Variants in GOLGA8A observed in about 807,000 individuals in gnomAD.
The protein encoded by GOLGA8A is golgin subfamily A member 8A.
In GOLGA8A, 3 loss-of-function variants were observed where a neutral mutation model predicts 22.1. That is an observed-to-expected ratio of 0.14 (90% CI 0.06 to 0.35). The LOEUF (loss-of-function observed/expected upper bound fraction) is 0.35. Among genes scored for constraint, GOLGA8A ranks in the 10% least tolerant of loss-of-function variants. GOLGA8A has a pLI of 1.00. For missense variants in GOLGA8A, 16 were observed against 233.2 expected (o/e 0.07, Z 6.07); for synonymous variants, 7 against 91.7 (o/e 0.08, Z 5.28).
rs1259402451 is a variant in GOLGA8A at position 34,418,309 on chromosome 15, G to C, written c.-1122-10574C>G. On this transcript the variant is annotated intron_variant, in intron 2 of 24. Transcript: ENST00000359187. ...CAAAGACATTGAGTCTAGGCCAGTT[G>C]TCAGTCCTGGGTATAATTTTAGATG... 8 of 138,902 alleles carry C rather than the reference G, an allele frequency of 5.8e-5. 2 individuals carry two copies. The highest frequency in any genetic ancestry group is 1.2e-4 in the Non-Finnish European group (8 of 64,326). 8.6% of individuals were successfully genotyped at this position (138,902 alleles called of 1,614,324 possible).
At position 34,435,402 on chromosome 15, in the gene GOLGA8A, T is replaced by C. The variant is rs1433135329; in HGVS notation, c.-1142A>G. 1 of 149,740 alleles carries C rather than the reference T, an allele frequency of 6.7e-6. No homozygotes were observed. Among genetic ancestry groups the C allele is most frequent in the African/African-American group, 2.5e-5 (1 of 40,582 alleles). The allele number at this position is 149,740 out of a possible 1,614,324, so 9.3% of individuals were successfully genotyped here. On this transcript the variant is annotated 5_prime_UTR_variant, in exon 2 of 25. An upstream start codon of the reference 5' UTR is lost. Coordinates refer to ENST00000359187, the MANE Select transcript of GOLGA8A (RefSeq NM_181077.5). ...AATTACCTTTTACTTTTATCCAGCA[T>C]TTCTTAGCTCGGTTGGCAAACTGGA...
At chr15:34,432,843 T>C (rs1893318219) in intron 2 of GOLGA8A, among the ~76,000 whole-genome samples, 1 of 149,082 alleles carries the variant, frequency 6.7e-6, no homozygotes, top group African/African-American at 2.5e-5. Context: ...CACTAGGCCG[T>C]AGCTGTAACT....
chr15:34,429,531 G>A (rs76257626), intron 2 of GOLGA8A, among the ~76,000 whole-genome samples: 2 of 148,554 alleles, frequency 1.3e-5, no homozygotes, highest in African/African-American at 5.0e-5. Flanking sequence ...CCAACCTACC[G>A]TGGGGCTCTC....
rs1437913700 is a variant in GOLGA8A at position 34,379,422 on chromosome 15, G to A, written c.*1989C>T. 2.0e-5 allele frequency: 3 copies of A among 152,496 alleles called. No individual in the cohort carries two copies. Among genetic ancestry groups the A allele is most frequent in the Non-Finnish European group, 4.4e-5 (3 of 68,036 alleles). The allele number at this position is 152,496 out of a possible 1,614,324, so 9.4% of individuals were successfully genotyped here. ...CCCATGGGCTAGAAATCATACGACT[G>A]TTAATTAGCCGCATTATTTGGTCTA... On this transcript the variant is annotated 3_prime_UTR_variant, in exon 25 of 25. Coordinates refer to ENST00000359187, the MANE Select transcript of GOLGA8A (RefSeq NM_181077.5).
At position 34,431,331 on chromosome 15, in the gene GOLGA8A, A is replaced by ATC. The variant is rs1435309982; in HGVS notation, c.-1123+4051_-1123+4052insGA. 9.8e-3 allele frequency among the ~76,000 whole-genome samples: 516 copies of ATC among 52,744 alleles called. 5 individuals carry two copies. The highest frequency in any genetic ancestry group is 0.016 in the Non-Finnish European group (386 of 24,756). The allele number at this position is 52,744 out of a possible 152,430, so 34.6% of individuals were successfully genotyped here. On this transcript the variant is annotated intron_variant, in intron 2 of 24. Coordinates refer to ENST00000359187, the MANE Select transcript of GOLGA8A (RefSeq NM_181077.5). ...TATATACATATATATATATATATAT[A>ATC]TATATATATATATATCTCACACACA...
rs1445485924 is a variant in GOLGA8A at position 34,379,901 on chromosome 15, T to C, written c.*1510A>G. 4 of 152,628 alleles carry C rather than the reference T, an allele frequency of 2.6e-5. No individual in the cohort carries two copies. In the East Asian group the frequency reaches 7.7e-4, roughly 29 times the overall value. 9.5% of individuals were successfully genotyped at this position (152,628 alleles called of 1,614,324 possible). A position where few individuals can be genotyped will look rare whatever the true frequency, so the allele number is the denominator to read the frequency against. On this transcript the variant is annotated 3_prime_UTR_variant, in exon 25 of 25. Coordinates refer to ENST00000359187, the MANE Select transcript of GOLGA8A (RefSeq NM_181077.5). ...CACAAAGTATGTCCCTGACTGAAAA[T>C]GAGAGGTACAAAAACGTATTTCACT...
Position 34,380,142 on chromosome 15 carries a change from T to A in GOLGA8A, c.*1269A>T, listed in dbSNP as rs993214067. 3.9e-5 allele frequency: 6 copies of A among 152,350 alleles called. No homozygotes were observed. Among genetic ancestry groups the A allele is most frequent in the African/African-American group, 1.4e-4 (6 of 41,476 alleles). The allele number at this position is 152,350 out of a possible 1,614,324, so 9.4% of individuals were successfully genotyped here. ...TCTCACATATATTAGTTTATAATAA[T>A]GTTTGTTATTACTTTCTAAAGTGTT... On this transcript the variant is annotated 3_prime_UTR_variant, in exon 25 of 25. Coordinates refer to ENST00000359187, the MANE Select transcript of GOLGA8A (RefSeq NM_181077.5).
rs1360273383 is a variant in GOLGA8A, at chr15:34,430,229, T to C, written c.-1123+5154A>G. On this transcript the variant is annotated intron_variant, in intron 2 of 24. Coordinates refer to ENST00000359187, the MANE Select transcript of GOLGA8A (RefSeq NM_181077.5). ...CAGGAGTTCTTGGTCTGGAGGGGCT[T>C]CTGCTCTCAAAGCTTCCAACCCAAC... Among the ~76,000 whole-genome samples the C allele has an allele frequency of 2.7e-5, 4 of 149,020 alleles. 1 individual carries two copies. Among genetic ancestry groups the C allele is most frequent in the Non-Finnish European group, 6.0e-5 (4 of 67,170 alleles).
At chr15:34,431,738 T>C (rs1893261631) in intron 2 of GOLGA8A, among the ~76,000 whole-genome samples, 2 of 148,932 alleles carry the variant, frequency 1.3e-5, no homozygotes, top group South Asian at 2.2e-4. Flanking sequence ...GTGCAGACTT[T>C]ATAGACATTG....
intron 2 of GOLGA8A, among the ~76,000 whole-genome samples, chr15:34,430,747 T>A (rs920658634): frequency 6.7e-6 from 1 of 149,668 alleles, no homozygotes; most frequent in Non-Finnish European, 1.5e-5. Context: ...ATCTCCTCCA[T>A]CCATAGTAAC....
intron 2 of GOLGA8A, among the ~76,000 whole-genome samples, chr15:34,433,916 G>C (rs573448598): frequency 6.7e-6 from 1 of 149,624 alleles, no homozygotes; most frequent in Admixed American, 6.7e-5. Flanking sequence ...GGCTGTCAGG[G>C]AGCCGGCAAT....
chr15:34,431,952 T>C (rs78935147), intron 2 of GOLGA8A, among the ~76,000 whole-genome samples: 3 of 148,848 alleles, frequency 2.0e-5, no homozygotes, highest in African/African-American at 5.0e-5. Flanking sequence ...TGACAGTACA[T>C]ATGTATCTCA....
At position 34,436,045 on chromosome 15, in the gene GOLGA8A, G is replaced by A. The variant is rs999755469; in HGVS notation, c.-1211-574C>T. On this transcript the variant is annotated intron_variant, in intron 1 of 24. Transcript: ENST00000359187. ...CCCAGGAATCAGCGCAGAGTGCAGGGCATCCTGGACTCCCCGGACTGGGAA... is the reference window on the plus strand; with the variant it reads ...CCCAGGAATCAGCGCAGAGTGCAGGACATCCTGGACTCCCCGGACTGGGAA... 3.4e-5 allele frequency among the ~76,000 whole-genome samples: 5 copies of A among 148,774 alleles called. 1 individual carries two copies. Among genetic ancestry groups the A allele is most frequent in the Non-Finnish European group, 7.5e-5 (5 of 66,988 alleles).
chr15:34,434,765 C>T (rs1221417985), intron 2 of GOLGA8A, among the ~76,000 whole-genome samples: 3 of 149,418 alleles, frequency 2.0e-5, no homozygotes, highest in East Asian at 3.9e-4. Flanking sequence ...ATCTGGGAGG[C>T]CTGCCTGGTC....
In GOLGA8A at chr15:34,436,061, G is replaced by A. The variant is rs1375012558; in HGVS notation, c.-1211-590C>T. On this transcript the variant is annotated intron_variant, in intron 1 of 24. Coordinates refer to ENST00000359187, the MANE Select transcript of GOLGA8A (RefSeq NM_181077.5). Reference sequence around the variant, plus strand: ...GAGTGCAGGGCATCCTGGACTCCCCGGACTGGGAAACCCAGTTCCTGTCCC... The same window carrying A: ...GAGTGCAGGGCATCCTGGACTCCCCAGACTGGGAAACCCAGTTCCTGTCCC... Among the ~76,000 whole-genome samples, 4 of 148,822 alleles carry A rather than the reference G, an allele frequency of 2.7e-5. No homozygotes were observed. The East Asian group carries it at 6.0e-4, about 22-fold the overall frequency.
intron 2 of GOLGA8A, chr15:34,418,395 G>C (rs1892659363): frequency 7.0e-6 from 1 of 142,124 alleles, no homozygotes; most frequent in African/African-American, 2.5e-5. Context: ...CTGTGTCTCT[G>C]CACTGACCAA....
At chr15:34,421,816 G>C (rs1201819563) in intron 2 of GOLGA8A, among the ~76,000 whole-genome samples, 2 of 136,370 alleles carry the variant, frequency 1.5e-5, no homozygotes, top group Non-Finnish European at 3.2e-5. Context: ...ACCAATTCCC[G>C]GGTGTCAGAC....
At chr15:34,416,801 A>AT (rs1892594141) in intron 2 of GOLGA8A, 1 of 66,796 alleles carries the variant, frequency 1.5e-5, no homozygotes, top group Admixed American at 2.0e-4. Context: ...ATTGTCTCAA[A>AT]AAATAAATAA....
intron 2 of GOLGA8A, chr15:34,416,102 A>C (rs1249973553): frequency 1.3e-5 from 2 of 151,336 alleles, no homozygotes; most frequent in Non-Finnish European, 2.9e-5. Flanking sequence ...CATTTCTACC[A>C]CATTCTATAG....
Sources: gnomAD v4.1 joint callset for allele counts (sites outside exome capture counted in the v4.1 genomes callset) on GRCh38, gnomAD v4.1.1 for gene constraint, MANE v1.5 for transcripts, NCBI Gene and HGNC (gene_info 2026-07-23, HGNC 2026-07-21) for gene names.